Variants in CNTN4 observed in about 807,000 individuals in gnomAD.
CNTN4 encodes the protein contactin-4.
Under a neutral mutation model 122.5 loss-of-function variants are expected in CNTN4, and 77 were observed. The ratio of observed to expected loss-of-function variants is 0.63; its 90% CI spans 0.52 to 0.76. The LOEUF (loss-of-function observed/expected upper bound fraction) is 0.76, where lower values mean the gene tolerates loss of function less well. Among genes scored for constraint, CNTN4 ranks in the 30% least tolerant of loss-of-function variants. The probability of loss-of-function intolerance (pLI) is 0.00; values close to 1 mark genes in which losing one functional copy is unlikely to be tolerated. For synonymous variants in CNTN4, 512 were observed against 447.0 expected, an observed-to-expected ratio of 1.15 and a Z score of -1.83; for missense variants, 1,256 against 1,259.1, an observed-to-expected ratio of 1.00 and a Z score of 0.04.
chr3:2,601,796 G>T (rs992662984), intron 4 of CNTN4, among the ~76,000 whole-genome samples: 3 of 152,044 alleles, frequency 2.0e-5, no homozygotes, highest in Admixed American at 6.6e-5. Context: ...CAAAAAAAGA[G>T]AATTTTAGAC....
At chr3:2,784,905 A>C (rs781536056) in intron 6 of CNTN4, among the ~76,000 whole-genome samples, 1 of 152,206 alleles carries the variant, frequency 6.6e-6, no homozygotes, top group Admixed American at 6.5e-5. Context: ...GTATGAGTAT[A>C]GGGAAGATTT....
At chr3:2,944,915 A>C (rs944951945) in intron 13 of CNTN4, among the ~76,000 whole-genome samples, 1 of 152,180 alleles carries the variant, frequency 6.6e-6, no homozygotes, top group African/African-American at 2.4e-5. Flanking sequence ...TCCCACTGAG[A>C]GCTCTGGAGC....
chr3:2,447,705 T>A lies in CNTN4; in HGVS notation c.-89+108472T>A, dbSNP rs2048676262. Among the ~76,000 whole-genome samples the A allele has an allele frequency of 2.6e-5, 4 of 152,282 alleles. No homozygotes were observed. In the South Asian group the frequency reaches 6.2e-4, roughly 24 times the overall value. On this transcript the variant is annotated intron_variant, in intron 3 of 24. Transcript: ENST00000418658. ...ATATATTAAAAATGTATATACCTTA[T>A]ATGTTCATATACTCAGTATGAATAT...
At chr3:2,230,709 G>T (rs183445767) in intron 2 of CNTN4, among the ~76,000 whole-genome samples, 3 of 152,134 alleles carry the variant, frequency 2.0e-5, no homozygotes, top group Admixed American at 2.0e-4. Flanking sequence ...TGAGGGATGG[G>T]TGCGGTGGCT....
chr3:2,123,031 G>T (rs1316888204), intron 2 of CNTN4, among the ~76,000 whole-genome samples: 1 of 152,186 alleles, frequency 6.6e-6, no homozygotes, highest in Admixed American at 6.5e-5. Context: ...GAATTACACA[G>T]CAAGTAGAAG....
intron 10 of CNTN4, 55 bp from the exon 11 acceptor site, chr3:2,900,630 A>G (rs1202845940): frequency 1.0e-5 from 16 of 1,584,158 alleles, no homozygotes; most frequent in Middle Eastern, 3.4e-4. Context: ...TATGATAAAA[A>G]TAGATTGAGT....
chr3:2,472,960 G>C lies in CNTN4; in HGVS notation c.-88-98456G>C, dbSNP rs186730896. On this transcript the variant is annotated intron_variant, in intron 3 of 24. Transcript: ENST00000418658. ...GAAAGACTAGCATAGTCGGCAGGGC[G>C]TGGTGGCTCATGCCTGTAATCCCAG... Among the ~76,000 whole-genome samples, 945 of 152,238 alleles carry C rather than the reference G, an allele frequency of 6.2e-3. 10 individuals are homozygous for C. The highest frequency in any genetic ancestry group is 0.022 in the African/African-American group (913 of 41,532).
At chr3:3,007,828 A>G (rs1696807799) in intron 14 of CNTN4, among the ~76,000 whole-genome samples, 2 of 152,164 alleles carry the variant, frequency 1.3e-5, no homozygotes, top group South Asian at 2.1e-4. Context: ...GCTATCATAT[A>G]ATCTTTTATC....
At chr3:2,471,666 A>AG (rs2075688764) in intron 3 of CNTN4, among the ~76,000 whole-genome samples, 2 of 152,226 alleles carry the variant, frequency 1.3e-5, no homozygotes, top group Non-Finnish European at 2.9e-5. Context: ...CCAGAGGTGC[A>AG]TTGGTTCACA....
chr3:2,998,092 A>G (rs1225217494), intron 14 of CNTN4, among the ~76,000 whole-genome samples: 1 of 152,182 alleles, frequency 6.6e-6, no homozygotes, highest in Non-Finnish European at 1.5e-5. Context: ...CCTGGCCCAC[A>G]TCTCTCCTGA....
chr3:2,575,254 T>C (rs2079608049), intron 4 of CNTN4, among the ~76,000 whole-genome samples: 2 of 152,072 alleles, frequency 1.3e-5, no homozygotes. Flanking sequence ...GGCTCATGCC[T>C]GTAATCCCAG....
intron 4 of CNTN4, among the ~76,000 whole-genome samples, chr3:2,667,631 A>G (rs1214646091): frequency 1.4e-5 from 2 of 147,042 alleles, no homozygotes; most frequent in Admixed American, 6.9e-5. Context: ...TTTTGTTGCC[A>G]TTGCTTTTGG....
intron 2 of CNTN4, among the ~76,000 whole-genome samples, chr3:2,285,387 C>T (rs2041866638): frequency 6.6e-6 from 1 of 152,078 alleles, no homozygotes. Context: ...TCAGCCACAA[C>T]ATAATTTCAT....
intron 2 of CNTN4, among the ~76,000 whole-genome samples, chr3:2,206,534 G>T (rs2038350711): frequency 6.6e-6 from 1 of 151,894 alleles, no homozygotes; most frequent in South Asian, 2.1e-4. Context: ...AGACATATTT[G>T]GTTTTTCTTT....
At chr3:2,722,910 A>C (rs1190583406) in intron 4 of CNTN4, among the ~76,000 whole-genome samples, 2 of 152,230 alleles carry the variant, frequency 1.3e-5, no homozygotes, top group Non-Finnish European at 2.9e-5. Flanking sequence ...TCCAAAAAAG[A>C]ACAACTTTGT....
At chr3:2,368,144 T>C (rs1313869193) in intron 3 of CNTN4, among the ~76,000 whole-genome samples, 1 of 150,180 alleles carries the variant, frequency 6.7e-6, no homozygotes, top group African/African-American at 2.5e-5. Context: ...GCCATTCTCC[T>C]GCCTCAGCCT....
intron 3 of CNTN4, among the ~76,000 whole-genome samples, chr3:2,452,422 G>T (rs2048861715): frequency 6.6e-6 from 1 of 152,120 alleles, no homozygotes; most frequent in Non-Finnish European, 1.5e-5. Context: ...ATGCCTTCTG[G>T]TGGCTTTAGA....
chr3:2,151,492 C>T (rs2035492746), intron 2 of CNTN4, among the ~76,000 whole-genome samples: 1 of 152,172 alleles, frequency 6.6e-6, no homozygotes, highest in South Asian at 2.1e-4. Context: ...CTGTAGCCTT[C>T]TATGTTCCAG....
chr3:2,881,144 C>A (rs1203627560), intron 8 of CNTN4, among the ~76,000 whole-genome samples: 1 of 152,164 alleles, frequency 6.6e-6, no homozygotes. Flanking sequence ...TCATCAGACA[C>A]CCAGGGTTGA....
Sources: allele counts gnomAD v4.1 joint callset (sites outside exome capture counted in the v4.1 genomes callset), GRCh38; gene constraint gnomAD v4.1.1; transcripts MANE v1.5; gene names NCBI Gene and HGNC (gene_info 2026-07-23, HGNC 2026-07-21).